The following NFIX variants were observed in gnomAD, a reference collection of about 807,000 sequenced individuals.
The protein encoded by NFIX is nuclear factor I X.
Under a neutral mutation model 53.3 loss-of-function variants are expected in NFIX, and 2 were observed. The observed-to-expected ratio is 0.04, with a 90% confidence interval of 0.02 to 0.12. The LOEUF (loss-of-function observed/expected upper bound fraction) is 0.12, where lower values mean the gene tolerates loss of function less well. NFIX is among the 10% of genes least tolerant of loss of function. The probability of loss-of-function intolerance (pLI) is 1.00; values close to 1 mark genes in which losing one functional copy is unlikely to be tolerated. For synonymous variants in NFIX, 244 were observed against 289.0 expected (o/e 0.84, Z 1.58); for missense variants, 310 against 674.5 (o/e 0.46, Z 5.99).
At chr19:13,082,189 G>A (rs10403930) in intron 8 of NFIX, 1 of 324,044 alleles carries the variant, frequency 3.1e-6, no homozygotes, top group Non-Finnish European at 5.7e-6. Context: ...ACCTCCCAGC[G>A]CTCCTCTTAA....
At chr19:13,018,199 T>C (rs1019516693) in intron 1 of NFIX, among the ~76,000 whole-genome samples, 5 of 152,102 alleles carry the variant, frequency 3.3e-5, no homozygotes, top group African/African-American at 1.2e-4. Context: ...ATTCCTACCC[T>C]ATATTATTCT....
Position 13,088,160 on chromosome 19 carries a change from C to T in NFIX, c.1402+24C>T. 1 of 1,536,104 alleles carries T rather than the reference C, an allele frequency of 6.5e-7. No homozygotes were observed. Among genetic ancestry groups the T allele is most frequent in the Non-Finnish European group, 8.7e-7 (1 of 1,146,586 alleles). On this transcript the variant is annotated intron_variant, in intron 9 of 10. Coordinates refer to ENST00000592199, the MANE Select transcript of NFIX (RefSeq NM_001365902.3). This position sits in a 1 kb window ranked among gnomAD's most constrained non-coding sequence, Gnocchi z 5.9. ...TTGTAAGTGGACGATGAAACCGAAA[C>T]CACAACGCCCAGCGTCCCCGGCCCG...
chr19:13,022,855 G>A lies in NFIX; in HGVS notation c.28-2166G>A, dbSNP rs1443418012. 6.6e-6 allele frequency among the ~76,000 whole-genome samples: 1 copy of A among 152,000 alleles called. No individual in the cohort carries two copies. The highest frequency in any genetic ancestry group is 1.5e-5 in the Non-Finnish European group (1 of 68,006). On this transcript the variant is annotated intron_variant, in intron 1 of 10. Transcript: ENST00000592199. The surrounding 1 kb of genome is among the most constrained non-coding windows in gnomAD (Gnocchi z 4.5). ...TTTGCTGGGTGGCTGCTGCCAAATG[G>A]ACCCGAGTGGGAGCCTGGAATGAAA...
chr19:13,025,662 G>A lies in NFIX; in HGVS notation c.559+110G>A. The A allele has an allele frequency of 2.4e-6, 3 of 1,255,694 alleles. No individual in the cohort carries two copies. The South Asian group carries it at 4.4e-5, about 18-fold the overall frequency. 77.8% of individuals were successfully genotyped at this position (1,255,694 alleles called of 1,614,324 possible). A position where few individuals can be genotyped will look rare whatever the true frequency, so the allele number is the denominator to read the frequency against. On this transcript the variant is annotated intron_variant, in intron 2 of 10. Transcript: ENST00000592199. The surrounding 1 kb of genome is among the most constrained non-coding windows in gnomAD (Gnocchi z 7.5). ...CGATAACTCGCCATGGGCCTAACTG[G>A]TGTATGCCCGTCCTGCGGGGCCTGC... is the stretch of plus-strand genomic sequence containing the variant.
chr19:13,011,684 G>T lies in NFIX; in HGVS notation c.28-13337G>T, dbSNP rs111471916. Among the ~76,000 whole-genome samples, 616 of 152,266 alleles carry T rather than the reference G, an allele frequency of 4.0e-3. 4 individuals carry two copies. The highest frequency in any genetic ancestry group is 0.014 in the African/African-American group (588 of 41,556). On this transcript the variant is annotated intron_variant, in intron 1 of 10. Transcript: ENST00000592199. This position sits in a 1 kb window ranked among gnomAD's most constrained non-coding sequence, Gnocchi z 6.5. Reference sequence around the variant, plus strand: ...GAGAAGCTGGGCTGCACCCCATGTTGGCACGAACACTCCCTCCCCAGTGCC... The same window carrying T: ...GAGAAGCTGGGCTGCACCCCATGTTTGCACGAACACTCCCTCCCCAGTGCC...
rs1391208996 is a variant in NFIX, at chr19:13,006,305, G to A, written c.27+10441G>A. On this transcript the variant is annotated intron_variant, in intron 1 of 10. Coordinates refer to ENST00000592199, the MANE Select transcript of NFIX (RefSeq NM_001365902.3). This position sits in a 1 kb window ranked among gnomAD's most constrained non-coding sequence, Gnocchi z 5.6. ...CCACCAGGCCCCTTTCTCTCTCCAG[G>A]GGGCAGACTGGAGGTCAAGGGTGTG... 3.3e-5 allele frequency among the ~76,000 whole-genome samples: 5 copies of A among 152,114 alleles called. No individual in the cohort carries two copies. In the East Asian group the frequency reaches 9.6e-4, roughly 29 times the overall value.
In NFIX at chr19:13,081,290, C is replaced by T. The variant is rs1233005276; in HGVS notation, c.1079-390C>T. Among the ~76,000 whole-genome samples the T allele has an allele frequency of 2.6e-5, 4 of 152,008 alleles. No homozygotes were observed. The highest frequency in any genetic ancestry group is 4.4e-5 in the Non-Finnish European group (3 of 68,016). ...CTGCACTCCAGTCTGGATGACAGAG[C>T]GAGACCCTGTCTCAAATAATAATAA... is the stretch of plus-strand genomic sequence containing the variant. On this transcript the variant is annotated intron_variant, in intron 7 of 10. Coordinates refer to ENST00000592199, the MANE Select transcript of NFIX (RefSeq NM_001365902.3). This position sits in a 1 kb window ranked among gnomAD's most constrained non-coding sequence, Gnocchi z 4.7.
rs902613000 is a variant in NFIX at position 13,022,484 on chromosome 19, G to A, written c.28-2537G>A. On this transcript the variant is annotated intron_variant, in intron 1 of 10. Coordinates refer to ENST00000592199, the MANE Select transcript of NFIX (RefSeq NM_001365902.3). The surrounding 1 kb of genome is among the most constrained non-coding windows in gnomAD (Gnocchi z 4.5). Reference sequence around the variant, plus strand: ...CCTGCCCTGGAAGTACTGCTGGCATGGACACTTTCTGAGCTCTCTTTCTTC... The same window carrying A: ...CCTGCCCTGGAAGTACTGCTGGCATAGACACTTTCTGAGCTCTCTTTCTTC... Among the ~76,000 whole-genome samples the A allele has an allele frequency of 1.6e-4, 24 of 152,082 alleles. No individual in the cohort carries two copies. The highest frequency in any genetic ancestry group is 5.6e-4 in the African/African-American group (23 of 41,408).
At position 13,095,559 on chromosome 19, in the gene NFIX, A is replaced by C; in HGVS notation, c.*910A>C. On this transcript the variant is annotated 3_prime_UTR_variant, in exon 11 of 11. Transcript: ENST00000592199. The stretch of plus-strand genomic sequence containing the variant: ...CGGGCCCCAGGTCGCCCCCGCCCCC[A>C]GCCCTGCATGCAGGTGCCCTCGCTC... 1 of 150,662 alleles carries C rather than the reference A, an allele frequency of 6.6e-6. No homozygotes were observed. Among genetic ancestry groups the C allele is most frequent in the East Asian group, 2.0e-4 (1 of 5,054 alleles). The allele number at this position is 150,662 out of a possible 1,614,324, so 9.3% of individuals were successfully genotyped here. A position where few individuals can be genotyped will look rare whatever the true frequency, so the allele number is the denominator to read the frequency against.
Position 13,011,752 on chromosome 19 carries a change from C to CCGCCCCTCCGCCAAGTG in NFIX, c.28-13260_28-13244dup, listed in dbSNP as rs2012360976. On this transcript the variant is annotated intron_variant, in intron 1 of 10. Coordinates refer to ENST00000592199, the MANE Select transcript of NFIX (RefSeq NM_001365902.3). This position sits in a 1 kb window ranked among gnomAD's most constrained non-coding sequence, Gnocchi z 6.5. ...GTGCCTGTACGTACCCTACCTGAGACCGCCCCTCCGCCAAGTGCGCCCCTC... is the reference window on the plus strand; with the variant it reads ...GTGCCTGTACGTACCCTACCTGAGACCGCCCCTCCGCCAAGTGCGCCCCTCCGCCAAGTGCGCCCCTC... Among the ~76,000 whole-genome samples, 1 of 152,188 alleles carries CCGCCCCTCCGCCAAGTG rather than the reference C, an allele frequency of 6.6e-6. No homozygotes were observed. The highest frequency in any genetic ancestry group is 2.4e-5 in the African/African-American group (1 of 41,452).
At chr19:13,075,186 G>A (rs1054270406) in intron 5 of NFIX, among the ~76,000 whole-genome samples, 3 of 151,314 alleles carry the variant, frequency 2.0e-5, no homozygotes, top group African/African-American at 7.3e-5. Flanking sequence ...CTGTGAGTAC[G>A]TCATTCACCT....
chr19:13,086,276 G>A (rs916886699), intron 8 of NFIX, among the ~76,000 whole-genome samples: 10 of 152,172 alleles, frequency 6.6e-5, no homozygotes, highest in African/African-American at 1.4e-4. Flanking sequence ...AGCTGGGGCC[G>A]TGGAAGGTTT....
rs1292511617 is a variant in NFIX at position 13,072,420 on chromosome 19, C to T, written c.560-627C>T. ...GGCGACAGCGTCAGGGCAGACCTCC[C>T]CCCTCTGGGTTGCCAGGCACTGCCT... On this transcript the variant is annotated intron_variant, in intron 2 of 10. Transcript: ENST00000592199. The surrounding 1 kb of genome is among the most constrained non-coding windows in gnomAD (Gnocchi z 4.0). 6.6e-6 allele frequency among the ~76,000 whole-genome samples: 1 copy of T among 152,230 alleles called. No homozygotes were observed. Among genetic ancestry groups the T allele is most frequent in the Non-Finnish European group, 1.5e-5 (1 of 68,036 alleles).
intron 1 of NFIX, among the ~76,000 whole-genome samples, chr19:13,018,361 C>T (rs1359104886): frequency 1.0e-5 from 1 of 99,066 alleles, no homozygotes; most frequent in African/African-American, 3.8e-5. Context: ...GCGCGGTTTA[C>T]AGGAGAGAAG....
At chr19:13,035,267 C>T (rs2014103403) in intron 2 of NFIX, among the ~76,000 whole-genome samples, 1 of 152,210 alleles carries the variant, frequency 6.6e-6, no homozygotes, top group Non-Finnish European at 1.5e-5. Flanking sequence ...GTTGTTTTCG[C>T]TTTTCCGGAT....
Position 13,090,452 on chromosome 19 carries a change from A to G in NFIX, c.1494+62A>G. 1.3e-6 allele frequency: 2 copies of G among 1,484,148 alleles called. No homozygotes were observed. Among genetic ancestry groups the G allele is most frequent in the South Asian group, 2.3e-5 (2 of 88,462 alleles). 91.9% of individuals were successfully genotyped at this position (1,484,148 alleles called of 1,614,324 possible). ...AGGGGAGTAGTCAGGGTTGGGGGGC[A>G]TCTTGGTGTTAGGGAAGAGCCTGGA... On this transcript the variant is annotated intron_variant, in intron 10 of 10. Transcript: ENST00000592199. This position sits in a 1 kb window ranked among gnomAD's most constrained non-coding sequence, Gnocchi z 6.6.
rs1463516294 is a variant in NFIX at position 13,060,763 on chromosome 19, G to GC, written c.560-12284_560-12283insC. Reference sequence around the variant, plus strand: ...CTGCACTGCCCAGGGTCAGGGGGATGGGGGGGTCGGCCTCACCTCGGCTAA... The same window carrying GC: ...CTGCACTGCCCAGGGTCAGGGGGATGCGGGGGGTCGGCCTCACCTCGGCTAA... On this transcript the variant is annotated intron_variant, in intron 2 of 10. Transcript: ENST00000592199. This position sits in a 1 kb window ranked among gnomAD's most constrained non-coding sequence, Gnocchi z 4.3. Among the ~76,000 whole-genome samples the GC allele has an allele frequency of 1.5e-5, 2 of 137,160 alleles. No homozygotes were observed. The highest frequency in any genetic ancestry group is 3.4e-5 in the Non-Finnish European group (2 of 58,712). The allele number at this position is 137,160 out of a possible 152,430, so 90.0% of individuals were successfully genotyped here. A position where few individuals can be genotyped will look rare whatever the true frequency, so the allele number is the denominator to read the frequency against.
chr19:13,020,841 CATCT>C (rs1031931193), intron 1 of NFIX, among the ~76,000 whole-genome samples: 2 of 152,128 alleles, frequency 1.3e-5, no homozygotes, highest in Non-Finnish European at 2.9e-5. Context: ...TGGATCCTTC[CATCT>C]GTCATTTCCC....
rs1012660092 is a variant in NFIX at position 12,995,788 on chromosome 19, G to GCCTC, written c.-47_-44dup. On this transcript the variant is annotated 5_prime_UTR_variant, in exon 1 of 11. Coordinates refer to ENST00000592199, the MANE Select transcript of NFIX (RefSeq NM_001365902.3). ...CCCGAGCGCGGCCGCCGCCTGCCGG[G>GCCTC]CCTCCCCTCGCCGCGGCCGGCCGCC... 109 of 905,284 alleles carry GCCTC rather than the reference G, an allele frequency of 1.2e-4. No individual in the cohort carries two copies. Among genetic ancestry groups the GCCTC allele is most frequent in the Non-Finnish European group, 1.3e-4 (99 of 759,672 alleles). The allele number at this position is 905,284 out of a possible 1,614,324, so 56.1% of individuals were successfully genotyped here. A position where few individuals can be genotyped will look rare whatever the true frequency, so the allele number is the denominator to read the frequency against.
Sources: gnomAD v4.1 joint callset for allele counts (sites outside exome capture counted in the v4.1 genomes callset) on GRCh38, gnomAD v4.1.1 for gene constraint, Gnocchi (gnomAD v3.1) non-coding constraint, MANE v1.5 for transcripts, NCBI Gene and HGNC (gene_info 2026-07-23, HGNC 2026-07-21) for gene names.